The following MICAL3 variants were observed in gnomAD, a reference collection of about 807,000 sequenced individuals.
The protein encoded by MICAL3 is [F-actin]-monooxygenase MICAL3.
A neutral mutation model predicts 207.4 loss-of-function variants in MICAL3; 62 were observed. The ratio of observed to expected loss-of-function variants is 0.30; its 90% CI spans 0.24 to 0.37. MICAL3 has a LOEUF of 0.37. Among genes scored for constraint, MICAL3 ranks in the 10% least tolerant of loss-of-function variants. The probability of loss-of-function intolerance (pLI) is 1.00; values close to 1 mark genes in which losing one functional copy is unlikely to be tolerated. For missense variants in MICAL3, 2,368 were observed against 2,635.6 expected (o/e 0.90, Z 2.22); for synonymous variants, 1,077 against 1,069.3 (o/e 1.01, Z -0.14).
chr22:17,908,717 G>A (rs556833944), intron 1 of MICAL3, among the ~76,000 whole-genome samples: 2 of 152,258 alleles, frequency 1.3e-5, no homozygotes, highest in East Asian at 1.9e-4. Flanking sequence ...AATTCACCAC[G>A]AGAGTGACCA....
chr22:17,924,963 C>T (rs956571887), intron 1 of MICAL3, among the ~76,000 whole-genome samples: 1 of 152,190 alleles, frequency 6.6e-6, no homozygotes, highest in Non-Finnish European at 1.5e-5. Flanking sequence ...TGGCCTAACA[C>T]ACCCTGCAAA....
intron 1 of MICAL3, among the ~76,000 whole-genome samples, chr22:17,984,407 G>A (rs181156931): frequency 1.2e-4 from 18 of 152,314 alleles, no homozygotes; most frequent in East Asian, 7.7e-4. Context: ...CTGGAGACTC[G>A]GAGAGATAAA....
chr22:17,897,510 T>A (rs1457619339), intron 7 of MICAL3, among the ~76,000 whole-genome samples: 1 of 151,610 alleles, frequency 6.6e-6, no homozygotes, highest in Non-Finnish European at 1.5e-5. Flanking sequence ...CACACAGTCA[T>A]GGCTTTTCCA....
At chr22:17,883,514 C>T (rs1021015724) in intron 16 of MICAL3, among the ~76,000 whole-genome samples, 1 of 152,214 alleles carries the variant, frequency 6.6e-6, no homozygotes, top group African/African-American at 2.4e-5. Flanking sequence ...CTCTCAGCAT[C>T]TCAGCAGACC....
At chr22:17,811,108 G>A (rs1306239720) in intron 27 of MICAL3, 1 of 318,572 alleles carries the variant, frequency 3.1e-6, no homozygotes, top group Non-Finnish European at 5.9e-6. Flanking sequence ...AGGAGGCTGA[G>A]TGGGGACCGA....
At chr22:17,916,251 G>A (rs5747413) in intron 1 of MICAL3, among the ~76,000 whole-genome samples, 111,219 of 151,510 alleles carry the variant, frequency 0.73, 41,348 homozygotes, top group African/African-American at 0.84. Context: ...GACATCTGCC[G>A]CATGTCTCGC....
intron 1 of MICAL3, among the ~76,000 whole-genome samples, chr22:17,972,671 T>G (rs1935472067): frequency 6.6e-6 from 1 of 151,870 alleles, no homozygotes. Context: ...GGAAGGTGAG[T>G]AAGACTGTCT....
At chr22:17,874,197 T>C (rs1398986119) in intron 16 of MICAL3, among the ~76,000 whole-genome samples, 2 of 152,182 alleles carry the variant, frequency 1.3e-5, no homozygotes, top group Non-Finnish European at 2.9e-5. Context: ...TTCCCAAGGA[T>C]TGGTGCCATT....
intron 1 of MICAL3, among the ~76,000 whole-genome samples, chr22:17,949,848 G>A (rs186167100): frequency 6.6e-6 from 1 of 152,240 alleles, no homozygotes; most frequent in South Asian, 2.1e-4. Context: ...TGCACACAAA[G>A]CAACTGGGGA....
At chr22:17,863,299 T>C in intron 19 of MICAL3, 5 of 985,468 alleles carry the variant, frequency 5.1e-6, no homozygotes, top group Non-Finnish European at 6.0e-6. Context: ...GTTGTTCTAC[T>C]GAGTAGTCAG....
Position 17,810,988 on chromosome 22 carries a change from T to C in MICAL3, c.5446-175A>G, listed in dbSNP as rs946553585. On this transcript the variant is annotated intron_variant, in intron 27 of 31. Transcript: ENST00000441493. ...AGTGCTAGCAGGACGGGGGTGCTGA[T>C]AGGCAGAAGGCATGAGGTCTGCAGA... The C allele has an allele frequency of 6.9e-6, 4 of 576,358 alleles. No homozygotes were observed. The African/African-American group carries it at 7.5e-5, about 11-fold the overall frequency. 35.7% of individuals were successfully genotyped at this position (576,358 alleles called of 1,614,324 possible).
chr22:17,809,691 C>G (rs1210278974), intron 28 of MICAL3, among the ~76,000 whole-genome samples: 1 of 152,164 alleles, frequency 6.6e-6, no homozygotes, highest in Non-Finnish European at 1.5e-5. Context: ...AGGGTCTGTG[C>G]AGCCTGAAAA....
At chr22:17,852,091 G>GC (rs1449279903) in intron 19 of MICAL3, among the ~76,000 whole-genome samples, 1 of 152,182 alleles carries the variant, frequency 6.6e-6, no homozygotes, top group Admixed American at 6.5e-5. Flanking sequence ...CCTGTGAGCA[G>GC]CCACACAGCC....
chr22:17,930,672 T>C (rs1933201406), intron 1 of MICAL3, among the ~76,000 whole-genome samples: 1 of 152,254 alleles, frequency 6.6e-6, no homozygotes, highest in Non-Finnish European at 1.5e-5. Flanking sequence ...GACCCTGATC[T>C]GGACAGTGGT....
chr22:17,863,501 A>C, intron 19 of MICAL3: 1 of 985,420 alleles, frequency 1.0e-6, no homozygotes, highest in Non-Finnish European at 1.2e-6. Flanking sequence ...ACTTCACGAG[A>C]AAGATGGATT....
intron 1 of MICAL3, among the ~76,000 whole-genome samples, chr22:17,944,878 T>C (rs964043521): frequency 6.6e-6 from 1 of 152,108 alleles, no homozygotes; most frequent in African/African-American, 2.4e-5. Context: ...CCACAGTTCC[T>C]GGGGACCGCT....
At chr22:17,891,767 T>A (rs994843593) in intron 11 of MICAL3, 135 bp from the exon 12 acceptor site, 1 of 756,294 alleles carries the variant, frequency 1.3e-6, no homozygotes, top group African/African-American at 1.8e-5. Flanking sequence ...CTAGTTTCCA[T>A]GCAAAGAAAA....
Position 17,818,206 on chromosome 22 carries a change from C to G in MICAL3, c.4455G>C (p.Val1485=). 6.4e-7 allele frequency: 1 copy of G among 1,553,196 alleles called. No homozygotes were observed. The highest frequency in any genetic ancestry group is 1.2e-5 in the South Asian group (1 of 85,420). The change falls in exon 26 of 32, where the codon GTG becomes GTC. Residue 1485 remains valine (V), a synonymous_variant. Transcript: ENST00000441493. ...AGGTGGCGGGCAAGGGCGGCGGGAC[C>G]ACCGAGGCATTGGGCTCGGCCTCCC... is the stretch of plus-strand genomic sequence containing the variant. ...KLREAEPNAS[V]VPPPLPATWM...
At chr22:18,013,449 G>C (rs368132597) in intron 1 of MICAL3, among the ~76,000 whole-genome samples, 4 of 152,304 alleles carry the variant, frequency 2.6e-5, no homozygotes, top group South Asian at 2.1e-4. Context: ...TGCCCAAGGT[G>C]GCACAGCTAA....
Sources: allele counts gnomAD v4.1 joint callset (sites outside exome capture counted in the v4.1 genomes callset), GRCh38; gene constraint gnomAD v4.1.1; transcripts MANE v1.5; gene names NCBI Gene and HGNC (gene_info 2026-07-23, HGNC 2026-07-21).